POU6F2: variants seen among roughly 807,000 people sequenced by gnomAD.
POU6F2 encodes the protein POU domain, class 6, transcription factor 2.
Under a neutral mutation model 71.3 loss-of-function variants are expected in POU6F2, and 31 were observed. The ratio of observed to expected loss-of-function variants is 0.43; its 90% CI spans 0.33 to 0.59. POU6F2 has a LOEUF of 0.59. POU6F2 is among the 20% of genes least tolerant of loss of function. The pLI is 0.04. For missense variants in POU6F2, 783 were observed against 856.8 expected, an observed-to-expected ratio of 0.91 and a Z score of 1.07; for synonymous variants, 347 against 355.7, an observed-to-expected ratio of 0.98 and a Z score of 0.27.
intron 1 of POU6F2, among the ~76,000 whole-genome samples, chr7:39,008,639 G>A (rs1239846150): frequency 6.0e-3 from 895 of 150,392 alleles, no homozygotes; most frequent in African/African-American, 0.021. Context: ...TTTCTTCTAG[G>A]GTTTTTATGG....
chr7:39,104,274 T>C (rs1365504064), intron 2 of POU6F2, among the ~76,000 whole-genome samples: 1 of 152,266 alleles, frequency 6.6e-6, no homozygotes, highest in African/African-American at 2.4e-5. Context: ...GTTTACATGA[T>C]GACAACATTC....
chr7:39,339,095 A>C (rs1033390578), intron 4 of POU6F2, among the ~76,000 whole-genome samples: 1 of 152,074 alleles, frequency 6.6e-6, no homozygotes, highest in Non-Finnish European at 1.5e-5. Flanking sequence ...AAAAAAAAAA[A>C]AACAGTTAGA....
chr7:39,302,296 T>C (rs544386932), intron 4 of POU6F2, among the ~76,000 whole-genome samples: 1 of 152,288 alleles, frequency 6.6e-6, no homozygotes, highest in South Asian at 2.1e-4. Flanking sequence ...GGAATAAAGA[T>C]CATAATAGAT....
chr7:39,367,748 C>G (rs1583554490), intron 5 of POU6F2, among the ~76,000 whole-genome samples: 1 of 152,094 alleles, frequency 6.6e-6, no homozygotes, highest in Non-Finnish European at 1.5e-5. Flanking sequence ...GCATGTCTAT[C>G]GGCACCATTT....
chr7:39,416,119 C>CAA (rs1787667543), intron 6 of POU6F2, among the ~76,000 whole-genome samples: 2 of 151,946 alleles, frequency 1.3e-5, no homozygotes, highest in Admixed American at 1.3e-4. Context: ...CACACACACA[C>CAA]ACACACACAC....
intron 2 of POU6F2, among the ~76,000 whole-genome samples, chr7:39,090,135 G>C (rs1791335222): frequency 1.3e-5 from 2 of 152,078 alleles, no homozygotes; most frequent in African/African-American, 4.8e-5. Flanking sequence ...ATACTTGTAA[G>C]AGTGGGTATT....
intron 4 of POU6F2, among the ~76,000 whole-genome samples, chr7:39,301,743 A>G (rs1471461629): frequency 6.6e-6 from 1 of 152,168 alleles, no homozygotes; most frequent in Non-Finnish European, 1.5e-5. Flanking sequence ...CATCAGAGAG[A>G]GCTATCTGGG....
intron 2 of POU6F2, among the ~76,000 whole-genome samples, chr7:39,114,406 A>T (rs1361516014): frequency 6.6e-6 from 1 of 152,158 alleles, no homozygotes; most frequent in Non-Finnish European, 1.5e-5. Context: ...TGAGTCTTAA[A>T]ACCCCTTTAA....
chr7:39,023,051 G>A (rs377179881), intron 1 of POU6F2, among the ~76,000 whole-genome samples: 1 of 151,768 alleles, frequency 6.6e-6, no homozygotes, highest in Non-Finnish European at 1.5e-5. Flanking sequence ...GGTGGGTAGT[G>A]GTATTTCATT....
At chr7:39,018,074 T>C (rs1789601970) in intron 1 of POU6F2, among the ~76,000 whole-genome samples, 1 of 152,168 alleles carries the variant, frequency 6.6e-6, no homozygotes, top group Non-Finnish European at 1.5e-5. Context: ...TGAAAAGTCC[T>C]TGGGATTTGT....
chr7:39,400,048 T>C (rs990512720), intron 5 of POU6F2, among the ~76,000 whole-genome samples: 110 of 152,254 alleles, frequency 7.2e-4, no homozygotes, highest in African/African-American at 2.5e-3. Flanking sequence ...CTGAAATCAT[T>C]GGCCACTGGT....
chr7:39,266,759 A>G (rs1173912123), intron 4 of POU6F2, among the ~76,000 whole-genome samples: 1 of 66,770 alleles, frequency 1.5e-5, no homozygotes, highest in East Asian at 4.3e-4. Flanking sequence ...GTACAATTTA[A>G]CATTTTGATA....
rs530807898 is a variant in POU6F2 at position 39,269,662 on chromosome 7, T to TG, written c.598+62044dup. ...TCTTTTTTAGAGTTTGAGGCAGGAC[T>TG]GGTTGCCTGGCAGGTCCTCTGCAAG... On this transcript the variant is annotated intron_variant, in intron 4 of 9. Transcript: ENST00000518318. Among the ~76,000 whole-genome samples the TG allele has an allele frequency of 2.2e-3, 335 of 152,350 alleles. 1 individual carries two copies. Among genetic ancestry groups the TG allele is most frequent in the African/African-American group, 7.6e-3 (315 of 41,582 alleles).
At chr7:39,348,436 GTATCTTT>G (rs1786071458) in intron 5 of POU6F2, among the ~76,000 whole-genome samples, 1 of 152,202 alleles carries the variant, frequency 6.6e-6, no homozygotes, top group Non-Finnish European at 1.5e-5. Context: ...CTTTACCTAT[GTATCTTT>G]TACTAAGTTC....
At chr7:39,299,178 TAAAAC>T (rs1784907363) in intron 4 of POU6F2, among the ~76,000 whole-genome samples, 1 of 152,054 alleles carries the variant, frequency 6.6e-6, no homozygotes, top group Non-Finnish European at 1.5e-5. Flanking sequence ...TAAAATAAAA[TAAAAC>T]AAAAATTAAA....
chr7:39,144,578 T>C (rs1792575986), intron 2 of POU6F2, among the ~76,000 whole-genome samples: 2 of 152,222 alleles, frequency 1.3e-5, no homozygotes, highest in African/African-American at 4.8e-5. Flanking sequence ...TACTTGTAAG[T>C]TCAAGTGGCC....
At position 38,992,431 on chromosome 7, in the gene POU6F2, A is replaced by G. The variant is rs751078141; in HGVS notation, c.105+14373A>G. ...ACGTTTAATTTAAGCAGCCACCACC[A>G]TGGTATCCAGCAGATGCTTATTTTT... is the stretch of plus-strand genomic sequence containing the variant. On this transcript the variant is annotated intron_variant, in intron 1 of 9. Transcript: ENST00000518318. Among the ~76,000 whole-genome samples, 14 of 152,310 alleles carry G rather than the reference A, an allele frequency of 9.2e-5. No individual in the cohort carries two copies. In the East Asian group the frequency reaches 1.2e-3, roughly 13 times the overall value.
At chr7:38,989,827 T>TTGTGTG (rs144183792) in intron 1 of POU6F2, among the ~76,000 whole-genome samples, 7 of 130,242 alleles carry the variant, frequency 5.4e-5, no homozygotes, top group Admixed American at 2.2e-4. Context: ...GTGTGTGTGT[T>TTGTGTG]TGTGTGTGTG....
chr7:39,268,184 C>T (rs1446754821), intron 4 of POU6F2, among the ~76,000 whole-genome samples: 2 of 152,064 alleles, frequency 1.3e-5, no homozygotes, highest in Non-Finnish European at 2.9e-5. Flanking sequence ...AGTCACGTGC[C>T]CAGATTGACT....
Sources: gnomAD v4.1 joint callset for allele counts (sites outside exome capture counted in the v4.1 genomes callset) on GRCh38, gnomAD v4.1.1 for gene constraint, MANE v1.5 for transcripts, NCBI Gene and HGNC (gene_info 2026-07-23, HGNC 2026-07-21) for gene names.